The following NR4A3 variants were observed in gnomAD, a reference collection of about 807,000 sequenced individuals.
NR4A3 encodes chondrosarcoma, extraskeletal myxoid, fused to EWS.
In NR4A3, 13 loss-of-function variants were observed where a neutral mutation model predicts 55.6. The observed-to-expected ratio is 0.23, with a 90% CI of 0.15 to 0.37. The LOEUF is 0.37. NR4A3 is among the 10% of genes least tolerant of loss of function. NR4A3 has a pLI of 1.00. For synonymous variants in NR4A3, 342 were observed against 357.9 expected, an observed-to-expected ratio of 0.96 and a Z score of 0.50; for missense variants, 646 against 822.8, an observed-to-expected ratio of 0.79 and a Z score of 2.63.
chr9:99,835,121 A>T, intron 5 of NR4A3: 1 of 164,104 alleles, frequency 6.1e-6, no homozygotes, highest in Non-Finnish European at 1.3e-5. Flanking sequence ...ATTAACAATT[A>T]TACTTGTCAA....
intron 7 of NR4A3, among the ~76,000 whole-genome samples, chr9:99,862,085 C>G (rs905548474): frequency 4.0e-5 from 6 of 150,874 alleles, no homozygotes; most frequent in African/African-American, 9.8e-5. Context: ...GAGAGCAAGA[C>G]CATGACTCAA....
chr9:99,850,148 C>G (rs867029303), intron 7 of NR4A3, among the ~76,000 whole-genome samples: 1 of 152,124 alleles, frequency 6.6e-6, no homozygotes, highest in Non-Finnish European at 1.5e-5. Context: ...CCTTCCACGC[C>G]TAGGTGAGGG....
intron 5 of NR4A3, among the ~76,000 whole-genome samples, chr9:99,844,070 T>G (rs1310407335): frequency 1.4e-5 from 2 of 141,060 alleles, no homozygotes; most frequent in Admixed American, 7.2e-5. Flanking sequence ...AGGCCGAAAT[T>G]ATCACTTCTA....
intron 7 of NR4A3, among the ~76,000 whole-genome samples, chr9:99,860,570 A>C (rs1020545969): frequency 6.6e-6 from 1 of 152,222 alleles, no homozygotes; most frequent in Non-Finnish European, 1.5e-5. Context: ...TTTAGGCAGA[A>C]CACCACTGCA....
intron 6 of NR4A3, among the ~76,000 whole-genome samples, chr9:99,846,743 G>C (rs1827760986): frequency 6.6e-6 from 1 of 152,134 alleles, no homozygotes; most frequent in African/African-American, 2.4e-5. Flanking sequence ...CGCCTCCCAG[G>C]TTCAAGTGAT....
chr9:99,826,095 G>C (rs1006270167), intron 2 of NR4A3, among the ~76,000 whole-genome samples: 1 of 152,184 alleles, frequency 6.6e-6, no homozygotes, highest in African/African-American at 2.4e-5. Flanking sequence ...TACACCAATA[G>C]ATTAGGGTAT....
At chr9:99,845,724 T>C (rs1421785983) in intron 6 of NR4A3, among the ~76,000 whole-genome samples, 1 of 152,234 alleles carries the variant, frequency 6.6e-6, no homozygotes, top group African/African-American at 2.4e-5. Context: ...TATTTTGGTT[T>C]GGTAGACTGT....
chr9:99,841,103 C>T (rs531052158), intron 5 of NR4A3, among the ~76,000 whole-genome samples: 28 of 151,922 alleles, frequency 1.8e-4, no homozygotes, highest in African/African-American at 5.8e-4. Flanking sequence ...TGTTGGTGTG[C>T]GCCTGTAGTC....
chr9:99,849,552 C>T (rs1827814233), intron 7 of NR4A3, among the ~76,000 whole-genome samples: 1 of 152,164 alleles, frequency 6.6e-6, no homozygotes, highest in Admixed American at 6.5e-5. Context: ...TTCAAGGCTG[C>T]CTTTGAACTA....
In NR4A3 at chr9:99,862,549, CAAAAAAAAAAAAAAAAAAAAA is replaced by C. The variant is rs59274273; in HGVS notation, c.1634-1057_1634-1037del. On this transcript the variant is annotated intron_variant, in intron 7 of 7. Coordinates refer to ENST00000395097, the MANE Select transcript of NR4A3 (RefSeq NM_006981.4). ...TAGGCAACAGAGTAAGACTCTGTCTCAAAAAAAAAAAAAAAAAAAAAAAAAAAAAAAAAAGAGAGAGAAATG... is the reference window on the plus strand; with the variant it reads ...TAGGCAACAGAGTAAGACTCTGTCTCAAAAAAAAAAAAAGAGAGAGAAATG... Among the ~76,000 whole-genome samples the C allele has an allele frequency of 3.8e-4, 28 of 72,814 alleles. No homozygotes were observed. In the East Asian group the frequency reaches 3.9e-3, roughly 10 times the overall value. 47.8% of individuals were successfully genotyped at this position (72,814 alleles called of 152,430 possible). A position where few individuals can be genotyped will look rare whatever the true frequency, so the allele number is the denominator to read the frequency against.
At chr9:99,861,199 A>G (rs556534128) in intron 7 of NR4A3, among the ~76,000 whole-genome samples, 11 of 152,320 alleles carry the variant, frequency 7.2e-5, no homozygotes, top group Admixed American at 2.0e-4. Context: ...CCCGCTGGCA[A>G]TCTTCATGGT....
chr9:99,831,202 A>G (rs1009391244), intron 3 of NR4A3, among the ~76,000 whole-genome samples: 2 of 152,250 alleles, frequency 1.3e-5, no homozygotes, highest in African/African-American at 2.4e-5. Context: ...GCAAAATGCC[A>G]TCAGCACTCA....
chr9:99,831,707 A>G (rs1827446126), intron 3 of NR4A3, among the ~76,000 whole-genome samples: 1 of 152,200 alleles, frequency 6.6e-6, no homozygotes, highest in Non-Finnish European at 1.5e-5. Context: ...TAATTTCTGA[A>G]CAGTTTCACC....
rs200243467 is a variant in NR4A3, at chr9:99,844,895, T to C, written c.1454+47T>C. On this transcript the variant is annotated intron_variant, in intron 6 of 7. Coordinates refer to ENST00000395097, the MANE Select transcript of NR4A3 (RefSeq NM_006981.4). ...TCAGTCTACGTCCTTTGAAGAAGCCTGAAACCTTCTGTGTTTGTAACTGAA... is the reference window on the plus strand; with the variant it reads ...TCAGTCTACGTCCTTTGAAGAAGCCCGAAACCTTCTGTGTTTGTAACTGAA... 1.9e-4 allele frequency: 264 copies of C among 1,397,752 alleles called. 2 individuals carry two copies. In the African/African-American group the frequency reaches 3.5e-3, roughly 19 times the overall value. 86.6% of individuals were successfully genotyped at this position (1,397,752 alleles called of 1,614,324 possible).
At chr9:99,854,958 A>G (rs1202431360) in intron 7 of NR4A3, among the ~76,000 whole-genome samples, 1 of 145,132 alleles carries the variant, frequency 6.9e-6, no homozygotes, top group African/African-American at 2.6e-5. Context: ...CTTCCTACCC[A>G]TGAGCATGGA....
rs1828059502 is a variant in NR4A3 at position 99,864,485 on chromosome 9, A to C, written c.*618A>C. ...TTCCATAAACAAGTGCAATTTTTTA[A>C]AGTGCTGTCTTACTAAGTCTTGTTT... is the stretch of plus-strand genomic sequence containing the variant. On this transcript the variant is annotated 3_prime_UTR_variant, in exon 8 of 8. Transcript: ENST00000395097. 4.4e-6 allele frequency: 1 copy of C among 228,120 alleles called. No individual in the cohort carries two copies. The highest frequency in any genetic ancestry group is 2.2e-5 in the African/African-American group (1 of 45,116). The allele number at this position is 228,120 out of a possible 1,614,324, so 14.1% of individuals were successfully genotyped here.
chr9:99,853,080 G>T (rs1390860853), intron 7 of NR4A3, among the ~76,000 whole-genome samples: 1 of 152,174 alleles, frequency 6.6e-6, no homozygotes, highest in Non-Finnish European at 1.5e-5. Flanking sequence ...TCTTGGACAA[G>T]TTCCTTACCC....
chr9:99,832,546 C>A, intron 3 of NR4A3, 143 bp from the exon 4 acceptor site: 1 of 605,752 alleles, frequency 1.7e-6, no homozygotes, highest in Non-Finnish European at 2.5e-6. Context: ...GTTTTTCCTG[C>A]AGGCTAGCGT....
chr9:99,864,974 A>ATCT lies in NR4A3; in HGVS notation c.*1109_*1111dup, dbSNP rs3837280. 178,643 of 200,656 alleles carry ATCT rather than the reference A, an allele frequency of 0.89. 81,035 individuals carry two copies. The highest frequency in any genetic ancestry group is 0.98 in the African/African-American group (42,699 of 43,538). The allele number at this position is 200,656 out of a possible 1,614,324, so 12.4% of individuals were successfully genotyped here. On this transcript the variant is annotated 3_prime_UTR_variant, in exon 8 of 8. Coordinates refer to ENST00000395097, the MANE Select transcript of NR4A3 (RefSeq NM_006981.4). ...GGAGACAATTTTGGAGAGCAAGCAA[A>ATCT]TCTTTTTAAAAAATAGTATGAATGT...
Sources: gnomAD v4.1 joint callset for allele counts (sites outside exome capture counted in the v4.1 genomes callset) on GRCh38, gnomAD v4.1.1 for gene constraint, MANE v1.5 for transcripts, NCBI Gene and HGNC (gene_info 2026-07-23, HGNC 2026-07-21) for gene names.